Variants in ADRA1B observed in about 807,000 individuals in gnomAD.
ADRA1B encodes the protein alpha-1B adrenergic receptor.
ADRA1B carries 17 observed loss-of-function variants against 17.9 expected under a neutral mutation model. That is an observed-to-expected ratio of 0.95 (90% CI 0.65 to 1.42). ADRA1B has a LOEUF of 1.42. ADRA1B is among the 40% of genes most tolerant of loss of function. ADRA1B has a pLI of 0.00. For missense variants in ADRA1B, 681 were observed against 722.1 expected, an observed-to-expected ratio of 0.94 and a Z score of 0.65; for synonymous variants, 366 against 327.6, an observed-to-expected ratio of 1.12 and a Z score of -1.27.
At position 159,917,701 on chromosome 5, in the gene ADRA1B, A is replaced by G; in HGVS notation, c.796A>G (p.Ser266Gly). ...CAAGAACTTTCACGAGGACACCCTTAGCAGTACCAAGGCCAAGGGCCACAA... is the reference window on the plus strand; with the variant it reads ...CAAGAACTTTCACGAGGACACCCTTGGCAGTACCAAGGCCAAGGGCCACAA... ...HSKNFHEDTLSSTKAKGHNPR... is the reference protein window; with the variant it reads ...HSKNFHEDTLGSTKAKGHNPR... Residue 266 changes from serine to glycine, a missense_variant, in exon 1 of 2, where the codon AGC (serine) becomes GGC (glycine). By Grantham distance (56) the Ser-to-Gly change is moderately conservative (BLOSUM62 0). Coordinates refer to ENST00000306675, the MANE Select transcript of ADRA1B (RefSeq NM_000679.4). 1.9e-6 allele frequency: 3 copies of G among 1,614,150 alleles called. No homozygotes were observed. The highest frequency in any genetic ancestry group is 2.5e-6 in the Non-Finnish European group (3 of 1,180,026).
chr5:159,928,850 T>C (rs1754727506), intron 1 of ADRA1B, among the ~76,000 whole-genome samples: 1 of 152,134 alleles, frequency 6.6e-6, no homozygotes, highest in Non-Finnish European at 1.5e-5. Context: ...AGGCAGCTGG[T>C]TGGGGAGGAG....
chr5:159,911,141 T>C (rs1754222854), intron 1 of ADRA1B, among the ~76,000 whole-genome samples: 1 of 152,172 alleles, frequency 6.6e-6, no homozygotes, highest in African/African-American at 2.4e-5. Flanking sequence ...GACTGCAACT[T>C]AAAGATCTTT....
rs777797597 is a variant in ADRA1B at position 159,917,115 on chromosome 5, G to A, written c.210G>A (p.Val70=). ...GCAACATCCTAGTCATCTTGTCTGT[G>A]GCCTGCAACCGGCACCTGCGGACGC... ...IVGNILVILS[V]ACNRHLRTPT... Residue 70 remains valine, a synonymous_variant, in exon 1 of 2, where the codon GTG becomes GTA. Coordinates refer to ENST00000306675, the MANE Select transcript of ADRA1B (RefSeq NM_000679.4). The A allele has an allele frequency of 4.2e-5, 68 of 1,613,970 alleles. No individual in the cohort carries two copies. Among genetic ancestry groups the A allele is most frequent in the Non-Finnish European group, 5.4e-5 (64 of 1,180,022 alleles).
chr5:159,917,974 T>C, intron 1 of ADRA1B, 120 bp downstream of exon 1: 1 of 897,694 alleles, frequency 1.1e-6, no homozygotes, highest in Non-Finnish European at 1.7e-6. Flanking sequence ...TGTTCGGAGA[T>C]TGAATAATAT....
At chr5:159,869,757 TCA>T (rs1753711346) in intron 1 of ADRA1B, 2 of 152,218 alleles carry the variant, frequency 1.3e-5, no homozygotes, top group African/African-American at 4.8e-5. Context: ...TCCCTGTATC[TCA>T]GTCTCCTCAT....
chr5:159,982,052 C>T, the ADRA1B span, among the ~76,000 whole-genome samples: 1 of 146,422 alleles, frequency 6.8e-6, no homozygotes, highest in Non-Finnish European at 1.5e-5. Flanking sequence ...AATGCTCACC[C>T]TTGGAACCCA....
In ADRA1B at chr5:159,933,158, G is replaced by A. The variant is rs965356232; in HGVS notation, c.949+15304G>A. 1.8e-4 allele frequency among the ~76,000 whole-genome samples: 27 copies of A among 152,164 alleles called. 1 individual carries two copies. On this transcript the variant is annotated intron_variant, in intron 1 of 1. Coordinates refer to ENST00000306675, the MANE Select transcript of ADRA1B (RefSeq NM_000679.4). The stretch of plus-strand genomic sequence containing the variant: ...TGGATCTTTGCCAACTTAACAGGTG[G>A]AATTTTTGTGAATGAGGTTAAGCAT...
intron 1 of ADRA1B, among the ~76,000 whole-genome samples, chr5:159,879,208 G>A (rs1753830912): frequency 6.6e-6 from 1 of 152,112 alleles, no homozygotes; most frequent in Admixed American, 6.5e-5. Flanking sequence ...GGGGTTGGGA[G>A]GATTTGCTCG....
At chr5:159,924,399 G>A (rs1222593054) in intron 1 of ADRA1B, among the ~76,000 whole-genome samples, 1 of 152,094 alleles carries the variant, frequency 6.6e-6, no homozygotes, top group African/African-American at 2.4e-5. Flanking sequence ...CTAAAGTCTT[G>A]GAATCACAGA....
At chr5:159,908,850 AAAGGG>A (rs1479621484) in intron 1 of ADRA1B, among the ~76,000 whole-genome samples, 1 of 152,226 alleles carries the variant, frequency 6.6e-6, no homozygotes, top group Non-Finnish European at 1.5e-5. Flanking sequence ...GTAGCGCTCC[AAAGGG>A]CAGGGGAAAT....
In ADRA1B at chr5:159,906,182, AGGCAAGACT is replaced by A. The variant is rs549551075; in HGVS notation, c.-255-9933_-255-9925del. Among the ~76,000 whole-genome samples, 29 of 152,326 alleles carry A rather than the reference AGGCAAGACT, an allele frequency of 1.9e-4. 1 individual carries two copies. The South Asian group carries it at 5.8e-3, about 30-fold the overall frequency. ...ATGCCATTTTTAATGAGCCCAGTGG[AGGCAAGACT>A]GGCCAGACTGGCAATCAGAAAACCT... is the stretch of plus-strand genomic sequence containing the variant. On this transcript the variant is annotated intron_variant, in intron 1 of 2. Coordinates refer to the ADRA1B transcript ENST00000641205.
At chr5:159,951,511 A>C in intron 1 of ADRA1B, 3 of 665,230 alleles carry the variant, frequency 4.5e-6, no homozygotes, top group Non-Finnish European at 8.3e-6. Flanking sequence ...TGTCTTGGGG[A>C]TGCAGCTGGC....
intron 1 of ADRA1B, among the ~76,000 whole-genome samples, chr5:159,903,227 A>G (rs1045562641): frequency 6.6e-6 from 1 of 152,194 alleles, no homozygotes; most frequent in African/African-American, 2.4e-5. Context: ...AAACAGGCAG[A>G]AGCAATCAGT....
At chr5:159,988,661 A>G in the ADRA1B span, among the ~76,000 whole-genome samples, 1 of 152,210 alleles carries the variant, frequency 6.6e-6, no homozygotes, top group African/African-American at 2.4e-5. Context: ...GAGTTTCAGA[A>G]CTAGTTAGGG....
chr5:159,933,518 T>C (rs1035442268), intron 1 of ADRA1B, among the ~76,000 whole-genome samples: 4 of 152,216 alleles, frequency 2.6e-5, no homozygotes, highest in East Asian at 1.9e-4. Context: ...GGCATCTACG[T>C]TGACTTCCTC....
chr5:159,966,571 G>A (rs1271360309), intron 1 of ADRA1B, among the ~76,000 whole-genome samples: 1 of 152,208 alleles, frequency 6.6e-6, no homozygotes, highest in African/African-American at 2.4e-5. Context: ...AAATGCAAAT[G>A]GAACAAGAGG....
chr5:159,884,665 T>C (rs549552872), intron 1 of ADRA1B, among the ~76,000 whole-genome samples: 1 of 152,180 alleles, frequency 6.6e-6, no homozygotes, highest in South Asian at 2.1e-4. Flanking sequence ...ATGGGAGTGG[T>C]TTTTCACCAA....
At chr5:159,950,301 C>T (rs1485480799) in intron 1 of ADRA1B, among the ~76,000 whole-genome samples, 4 of 152,060 alleles carry the variant, frequency 2.6e-5, no homozygotes, top group Non-Finnish European at 5.9e-5. Flanking sequence ...TGGCTGAGCA[C>T]AGGGGACTTT....
the ADRA1B span, among the ~76,000 whole-genome samples, chr5:159,984,544 T>C: frequency 1.3e-5 from 2 of 152,232 alleles, no homozygotes; most frequent in African/African-American, 4.8e-5. Flanking sequence ...ACCTCTGTGC[T>C]TCCACCTCAG....
Sources: gnomAD v4.1 joint callset for allele counts (sites outside exome capture counted in the v4.1 genomes callset) on GRCh38, gnomAD v4.1.1 for gene constraint, MANE v1.5 for transcripts, NCBI Gene and HGNC (gene_info 2026-07-23, HGNC 2026-07-21) for gene names.